SHISA9: variants seen among roughly 807,000 people sequenced by gnomAD.
The protein encoded by SHISA9 is protein shisa-9.
Under a neutral mutation model 38.0 loss-of-function variants are expected in SHISA9, and 13 were observed. The observed-to-expected ratio is 0.34, with a 90% CI of 0.22 to 0.54. The LOEUF (loss-of-function observed/expected upper bound fraction) is 0.54. SHISA9 is among the 20% of genes least tolerant of loss of function. The pLI is 0.91. For missense variants in SHISA9, 538 were observed against 575.8 expected (o/e 0.93, Z 0.67); for synonymous variants, 275 against 242.0 (o/e 1.14, Z -1.27).
chr16:12,991,015 C>T (rs1278125674), intron 2 of SHISA9, among the ~76,000 whole-genome samples: 1 of 152,204 alleles, frequency 6.6e-6, no homozygotes, highest in Admixed American at 6.5e-5. Context: ...GAATCTATTT[C>T]ACCCCAGTCT....
At chr16:13,204,056 T>C (rs532853661) in intron 3 of SHISA9, among the ~76,000 whole-genome samples, 1 of 152,126 alleles carries the variant, frequency 6.6e-6, no homozygotes, top group Non-Finnish European at 1.5e-5. Flanking sequence ...CATCCATCCT[T>C]CTATCCATCT....
At chr16:13,201,258 T>A (rs1312698091) in intron 2 of SHISA9, among the ~76,000 whole-genome samples, 1 of 135,086 alleles carries the variant, frequency 7.4e-6, no homozygotes, top group East Asian at 2.0e-4. Flanking sequence ...AGGATACCAA[T>A]ATCAACAGAT....
chr16:13,381,195 A>G, the SHISA9 span, among the ~76,000 whole-genome samples: 1 of 152,154 alleles, frequency 6.6e-6, no homozygotes, highest in Admixed American at 6.6e-5. Context: ...AAGCCCCTAG[A>G]TGACAGCTGG....
the SHISA9 span, among the ~76,000 whole-genome samples, chr16:13,307,441 CG>C: frequency 6.6e-6 from 1 of 152,144 alleles, no homozygotes; most frequent in Non-Finnish European, 1.5e-5. Context: ...AAAGGGGATA[CG>C]CTTTCTGTTC....
At chr16:12,909,552 G>T in intron 1 of SHISA9, 1 of 985,356 alleles carries the variant, frequency 1.0e-6, no homozygotes, top group Non-Finnish European at 1.2e-6. Context: ...TTTTCTTCTT[G>T]TTCTTTGGAT....
downstream of SHISA9, among the ~76,000 whole-genome samples, chr16:13,242,613 T>C (rs1596763965): frequency 6.6e-6 from 1 of 152,222 alleles, no homozygotes; most frequent in Non-Finnish European, 1.5e-5. Context: ...TGGCTGGTGG[T>C]ATTTATTGAT....
the SHISA9 span, among the ~76,000 whole-genome samples, chr16:13,491,817 C>CATT: frequency 2.1e-5 from 1 of 46,892 alleles, no homozygotes; most frequent in Non-Finnish European, 3.9e-5. Flanking sequence ...TATTTATTGA[C>CATT]CTTTTTTTTT....
At chr16:13,357,915 T>C in the SHISA9 span, among the ~76,000 whole-genome samples, 1 of 152,172 alleles carries the variant, frequency 6.6e-6, no homozygotes, top group South Asian at 2.1e-4. Flanking sequence ...TTACACTTCT[T>C]TTGTGGTGGA....
At chr16:13,200,794 T>C (rs1428624415) in intron 2 of SHISA9, among the ~76,000 whole-genome samples, 1 of 135,720 alleles carries the variant, frequency 7.4e-6, no homozygotes, top group Non-Finnish European at 1.6e-5. Context: ...GACATTCCCA[T>C]TTAACACTTG....
At chr16:13,446,622 C>T in the SHISA9 span, among the ~76,000 whole-genome samples, 1 of 151,900 alleles carries the variant, frequency 6.6e-6, no homozygotes, top group Admixed American at 6.6e-5. Context: ...TATGGCAAGG[C>T]AACTTGTTGA....
intron 2 of SHISA9, among the ~76,000 whole-genome samples, chr16:12,954,266 C>T (rs966276994): frequency 1.3e-5 from 2 of 152,124 alleles, no homozygotes; most frequent in African/African-American, 4.8e-5. Context: ...CTAAACATGG[C>T]ATAGGGAGCA....
intron 2 of SHISA9, among the ~76,000 whole-genome samples, chr16:12,949,807 A>C (rs1259705412): frequency 6.6e-6 from 1 of 152,238 alleles, no homozygotes; most frequent in African/African-American, 2.4e-5. Context: ...ATGTGTAATA[A>C]TCAAATAATA....
chr16:13,011,296 A>G (rs117910502), intron 2 of SHISA9, among the ~76,000 whole-genome samples: 3,563 of 151,346 alleles, frequency 0.024, 150 homozygotes, highest in Admixed American at 0.095. Flanking sequence ...AATTCACATA[A>G]CCATCATCTC....
At chr16:12,923,976 G>A (rs185485525) in intron 2 of SHISA9, among the ~76,000 whole-genome samples, 44 of 152,272 alleles carry the variant, frequency 2.9e-4, no homozygotes, top group African/African-American at 1.1e-3. Context: ...GTCTCAGGAG[G>A]GGTAGGGATC....
chr16:13,131,324 G>A (rs2050304812), intron 2 of SHISA9, among the ~76,000 whole-genome samples: 1 of 152,148 alleles, frequency 6.6e-6, no homozygotes, highest in Non-Finnish European at 1.5e-5. Context: ...GGACATGGAT[G>A]GAGCTGGAAG....
chr16:12,908,539 C>T (rs1361482475), intron 1 of SHISA9: 1 of 1,551,974 alleles, frequency 6.4e-7, no homozygotes, highest in Non-Finnish European at 8.7e-7. Flanking sequence ...ACGAACCTGC[C>T]CCTGGAGAGT....
chr16:13,050,000 A>G (rs565402107), intron 2 of SHISA9, among the ~76,000 whole-genome samples: 1 of 152,280 alleles, frequency 6.6e-6, no homozygotes, highest in African/African-American at 2.4e-5. Context: ...ACTTCTAGCA[A>G]TTTTCTAAAG....
the SHISA9 span, among the ~76,000 whole-genome samples, chr16:13,420,668 C>T: frequency 1.3e-5 from 2 of 152,098 alleles, no homozygotes; most frequent in African/African-American, 4.8e-5. Context: ...ATGGCTGAGG[C>T]AGCCTGATTA....
intron 2 of SHISA9, among the ~76,000 whole-genome samples, chr16:13,193,434 C>T (rs552463975): frequency 6.6e-6 from 1 of 152,162 alleles, no homozygotes; most frequent in East Asian, 1.9e-4. Flanking sequence ...TCACTGTGAC[C>T]TCTGCCTCCT....
Sources: allele counts gnomAD v4.1 joint callset (sites outside exome capture counted in the v4.1 genomes callset), GRCh38; gene constraint gnomAD v4.1.1; transcripts MANE v1.5; gene names NCBI Gene and HGNC (gene_info 2026-07-23, HGNC 2026-07-21).